Variants in HERC2 observed in about 807,000 individuals in gnomAD.
HERC2 encodes HECT and RLD domain containing E3 ubiquitin protein ligase 2.
A neutral mutation model predicts 537.7 loss-of-function variants in HERC2; 102 were observed. That is an observed-to-expected ratio of 0.19 (90% CI 0.16 to 0.22). The LOEUF is 0.22. Among genes scored for constraint, HERC2 ranks in the 10% least tolerant of loss-of-function variants. The probability of loss-of-function intolerance (pLI) is 1.00; values close to 1 mark genes in which losing one functional copy is unlikely to be tolerated. For missense variants in HERC2, 4,236 were observed against 6,198.2 expected (o/e 0.68, Z 10.63); for synonymous variants, 2,224 against 2,466.2 (o/e 0.90, Z 2.91).
chr15:28,111,782 T>C lies in HERC2; in HGVS notation c.14486A>G (p.Asp4829Gly). 3 of 1,614,084 alleles carry C rather than the reference T, an allele frequency of 1.9e-6. No individual in the cohort carries two copies. The highest frequency in any genetic ancestry group is 2.5e-6 in the Non-Finnish European group (3 of 1,179,916). Residue 4829 changes from aspartate to glycine, a missense_variant, in exon 93 of 93, where the codon GAT becomes GGT. Transcript: ENST00000261609. ...CCCATCTTAGTGTCCTGTTAAATAA[T>C]CTTGTGTAGAGTCCGAAGCAAAGGA... ...VDSFASDSTQ[D>G]YLTGH is the part of the protein sequence containing the mutation.
intron 44 of HERC2, among the ~76,000 whole-genome samples, chr15:28,209,339 ATTTTT>A (rs1354775423): frequency 5.9e-5 from 9 of 152,044 alleles, no homozygotes; most frequent in Non-Finnish European, 5.9e-5. Flanking sequence ...CATTTATTTT[ATTTTT>A]ATTTATTTAT....
At chr15:28,255,745 AT>A in intron 19 of HERC2, 126 bp downstream of exon 19, 1 of 1,050,140 alleles carries the variant, frequency 9.5e-7, no homozygotes. Context: ...AAGAATTTTA[AT>A]TTAAAAAATA....
Position 28,264,562 on chromosome 15 carries a change from G to C in HERC2, c.1870+1056C>G, listed in dbSNP as rs182785149. Reference sequence around the variant, plus strand: ...CAGAAAATATATAGCAGCACAGCAGGGACACTTCCCTACAAGATCTGCACC... The same window carrying C: ...CAGAAAATATATAGCAGCACAGCAGCGACACTTCCCTACAAGATCTGCACC... On this transcript the variant is annotated intron_variant, in intron 14 of 92. Transcript: ENST00000261609. Among the ~76,000 whole-genome samples, 56 of 152,144 alleles carry C rather than the reference G, an allele frequency of 3.7e-4. No individual in the cohort carries two copies. The East Asian group carries it at 4.6e-3, about 13-fold the overall frequency.
chr15:28,303,740 C>T (rs2076698785), intron 2 of HERC2, among the ~76,000 whole-genome samples: 1 of 152,186 alleles, frequency 6.6e-6, no homozygotes, highest in South Asian at 2.1e-4. Flanking sequence ...CACTGTTTTA[C>T]AGTTTTCGTG....
Position 28,176,631 on chromosome 15 carries a change from A to C in HERC2, c.9515-32T>G. The C allele has an allele frequency of 6.2e-7, 1 of 1,613,990 alleles. No individual in the cohort carries two copies. The highest frequency in any genetic ancestry group is 8.5e-7 in the Non-Finnish European group (1 of 1,179,874). On this transcript the variant is annotated intron_variant, in intron 62 of 92. Coordinates refer to ENST00000261609, the MANE Select transcript of HERC2 (RefSeq NM_004667.6). The surrounding 1 kb of genome is among the most constrained non-coding windows in gnomAD (Gnocchi z 5.0). ...TTAAGAAACACATATACTTCAGGCC[A>C]GCGTTTCATATCATTCCTACCCACC...
At chr15:28,117,954 A>C in intron 86 of HERC2, 1 of 244,128 alleles carries the variant, frequency 4.1e-6, no homozygotes. Context: ...TTGAAGAAAA[A>C]ATGGTCCTGA....
chr15:28,194,544 C>A (rs1165121425), intron 52 of HERC2, among the ~76,000 whole-genome samples: 1 of 151,596 alleles, frequency 6.6e-6, no homozygotes, highest in Non-Finnish European at 1.5e-5. Context: ...TGCACTCCAG[C>A]CTGGGCGACA....
Position 28,149,384 on chromosome 15 carries a change from C to T in HERC2, c.10901-3040G>A, listed in dbSNP as rs533783017. ...AACACACGCGGCTCCTAACCGAGAACGTCACCGAGAACGGCCACACCAACA... is the reference window on the plus strand; with the variant it reads ...AACACACGCGGCTCCTAACCGAGAATGTCACCGAGAACGGCCACACCAACA... On this transcript the variant is annotated intron_variant, in intron 70 of 92. Coordinates refer to ENST00000261609, the MANE Select transcript of HERC2 (RefSeq NM_004667.6). Among the ~76,000 whole-genome samples, 151 of 151,664 alleles carry T rather than the reference C, an allele frequency of 1.0e-3. No homozygotes were observed. The South Asian group carries it at 0.014, about 14-fold the overall frequency.
rs753591240 is a variant in HERC2 at position 28,214,189 on chromosome 15, C to A, written c.6442G>T (p.Ala2148Ser). 2.5e-6 allele frequency: 4 copies of A among 1,612,672 alleles called. No individual in the cohort carries two copies. The highest frequency in any genetic ancestry group is 3.4e-6 in the Non-Finnish European group (4 of 1,179,882). Residue 2148 changes from alanine to serine, a missense_variant, in exon 41 of 93, where the codon GCA (alanine) becomes TCA (serine). By Grantham distance (99) the Ala-to-Ser change is moderately conservative. Transcript: ENST00000261609. The part of the protein sequence containing the change: ...HSSTLAEEVV[A>S]LLRTLHSLTQ... ...AGGGAGTGCAGCGTGCGCAGCAGTG[C>A]CACCACCTCCTCCGCCAGTGTGCTG...
chr15:28,263,683 T>C (rs1183823527), intron 14 of HERC2, among the ~76,000 whole-genome samples: 1 of 152,158 alleles, frequency 6.6e-6, no homozygotes, highest in Non-Finnish European at 1.5e-5. Flanking sequence ...TTTTTATTTT[T>C]ATGGTGAAAA....
At chr15:28,230,712 G>A (rs914206878) in intron 30 of HERC2, among the ~76,000 whole-genome samples, 16 of 151,914 alleles carry the variant, frequency 1.1e-4, no homozygotes, top group South Asian at 4.2e-4. Flanking sequence ...GAGAAGCCCC[G>A]AAGCACGGGA....
chr15:28,220,415 G>C (rs765115578), intron 37 of HERC2, 37 bp downstream of exon 37: 3 of 1,586,188 alleles, frequency 1.9e-6, no homozygotes, highest in Non-Finnish European at 2.6e-6. Flanking sequence ...ACAGTTTGTG[G>C]GCTGCCTTGG....
chr15:28,264,015 T>C (rs2075488252), intron 14 of HERC2, among the ~76,000 whole-genome samples: 1 of 121,964 alleles, frequency 8.2e-6, no homozygotes. Flanking sequence ...CAAAACTTTG[T>C]CTTACAAAAA....
chr15:28,112,471 C>T (rs1305758310), intron 92 of HERC2, among the ~76,000 whole-genome samples: 1 of 152,228 alleles, frequency 6.6e-6, no homozygotes, highest in East Asian at 1.9e-4. Flanking sequence ...GCATGCTCTC[C>T]AAGGTGACCC....
intron 84 of HERC2, 144 bp from the exon 85 acceptor site, chr15:28,124,378 GTGC>G (rs1889248200): frequency 2.1e-6 from 1 of 468,674 alleles, no homozygotes; most frequent in Non-Finnish European, 3.6e-6. Flanking sequence ...CAACCTCACT[GTGC>G]TGCTTTTAAA....
Position 28,260,876 on chromosome 15 carries a change from G to A in HERC2, c.2217C>T (p.Cys739=), listed in dbSNP as rs767438968. The A allele has an allele frequency of 1.3e-5, 21 of 1,614,084 alleles. No individual in the cohort carries two copies. In the African/African-American group the frequency reaches 2.3e-4, roughly 17 times the overall value. The change falls in exon 16 of 93, where the codon TGC becomes TGT. Residue 739 remains cysteine (C), a synonymous_variant. Coordinates refer to ENST00000261609, the MANE Select transcript of HERC2 (RefSeq NM_004667.6). ...TCACGCGCAAGGTGTCAAAGTGCTG[G>A]CACTGGTCGTTGCTCCCCCAGCTGT... ...EVHSWGSNDQ[C]QHFDTLRVTK... is the part of the protein sequence containing the mutation.
Position 28,265,514 on chromosome 15 carries a change from G to A in HERC2, c.1870+104C>T. 2.3e-6 allele frequency: 2 copies of A among 879,784 alleles called. No homozygotes were observed. The highest frequency in any genetic ancestry group is 3.7e-6 in the Non-Finnish European group (2 of 546,354). The allele number at this position is 879,784 out of a possible 1,614,324, so 54.5% of individuals were successfully genotyped here. A position where few individuals can be genotyped will look rare whatever the true frequency, so the allele number is the denominator to read the frequency against. On this transcript the variant is annotated intron_variant, in intron 14 of 92. Coordinates refer to ENST00000261609, the MANE Select transcript of HERC2 (RefSeq NM_004667.6). The surrounding 1 kb of genome is among the most constrained non-coding windows in gnomAD (Gnocchi z 4.0). Reference sequence around the variant, plus strand: ...GAGCCCCACACCCACTGGGCGACAGGGTGGGTGGCCTCGTGAGGCCCACTG... The same window carrying A: ...GAGCCCCACACCCACTGGGCGACAGAGTGGGTGGCCTCGTGAGGCCCACTG...
At chr15:28,319,874 TA>T (rs1226493575) in intron 2 of HERC2, among the ~76,000 whole-genome samples, 1 of 152,220 alleles carries the variant, frequency 6.6e-6, no homozygotes, top group Admixed American at 6.5e-5. Flanking sequence ...TCAAAATACA[TA>T]AACACTAATA....
chr15:28,114,542 A>G (rs900313956), intron 90 of HERC2, 70 bp downstream of exon 90: 8 of 1,393,538 alleles, frequency 5.7e-6, no homozygotes, highest in African/African-American at 1.5e-5. Context: ...AAAAACACAC[A>G]TGTCCACACA....
Sources: gnomAD v4.1 joint callset for allele counts (sites outside exome capture counted in the v4.1 genomes callset) on GRCh38, gnomAD v4.1.1 for gene constraint, Gnocchi (gnomAD v3.1) non-coding constraint, MANE v1.5 for transcripts, NCBI Gene and HGNC (gene_info 2026-07-23, HGNC 2026-07-21) for gene names.